C12orf54: variants seen among roughly 807,000 people sequenced by gnomAD.
C12orf54 encodes the protein uncharacterized protein C12orf54.
A neutral mutation model predicts 26.4 loss-of-function variants in C12orf54; 24 were observed. The ratio of observed to expected loss-of-function variants is 0.91; its 90% CI spans 0.66 to 1.28. The LOEUF is 1.28. C12orf54 is among the 50% of genes most tolerant of loss of function. The pLI is 0.00. For synonymous variants in C12orf54, 54 were observed against 47.0 expected, an observed-to-expected ratio of 1.15 and a Z score of -0.61; for missense variants, 154 against 150.9, an observed-to-expected ratio of 1.02 and a Z score of -0.11.
the C12orf54 span, among the ~76,000 whole-genome samples, chr12:48,452,148 T>C: frequency 6.6e-6 from 1 of 151,996 alleles, no homozygotes; most frequent in East Asian, 1.9e-4. Flanking sequence ...CATAAATCAA[T>C]GGAACAGAAT....
At chr12:48,454,756 T>C in the C12orf54 span, among the ~76,000 whole-genome samples, 1 of 152,238 alleles carries the variant, frequency 6.6e-6, no homozygotes, top group Admixed American at 6.5e-5. Flanking sequence ...ACAAATACTG[T>C]TGGGTAACTA....
At chr12:48,474,277 G>A in the C12orf54 span, among the ~76,000 whole-genome samples, 16 of 152,178 alleles carry the variant, frequency 1.1e-4, no homozygotes, top group East Asian at 3.8e-4. Flanking sequence ...CAAGATGGCC[G>A]AATGGGAACA....
chr12:48,413,203 C>T, the C12orf54 span, among the ~76,000 whole-genome samples: 1 of 152,116 alleles, frequency 6.6e-6, no homozygotes, highest in Non-Finnish European at 1.5e-5. Flanking sequence ...AGCCTAATTC[C>T]AATAAGGAAT....
chr12:48,441,243 G>A, the C12orf54 span, among the ~76,000 whole-genome samples: 1 of 152,192 alleles, frequency 6.6e-6, no homozygotes, highest in Non-Finnish European at 1.5e-5. Context: ...TAACTCTAGT[G>A]ATCTTATCAG....
the C12orf54 span, among the ~76,000 whole-genome samples, chr12:48,439,301 G>T: frequency 6.6e-6 from 1 of 152,184 alleles, no homozygotes; most frequent in Non-Finnish European, 1.5e-5. Flanking sequence ...CTGTTGGTGG[G>T]ACTGTAAAAT....
chr12:48,481,790 C>T (rs911186552), upstream of C12orf54, among the ~76,000 whole-genome samples: 2 of 152,152 alleles, frequency 1.3e-5, no homozygotes, highest in East Asian at 1.9e-4. Context: ...TGCCTAAACA[C>T]GCTATACCAC....
the C12orf54 span, among the ~76,000 whole-genome samples, chr12:48,458,444 C>T: frequency 6.6e-6 from 1 of 152,084 alleles, no homozygotes; most frequent in Admixed American, 6.6e-5. Context: ...TTCATATCAC[C>T]TTTCTACTGC....
the C12orf54 span, among the ~76,000 whole-genome samples, chr12:48,434,204 G>A: frequency 3.3e-5 from 5 of 152,302 alleles, no homozygotes; most frequent in South Asian, 2.1e-4. Context: ...AAGCGGCAGC[G>A]AGGCTGGGGG....
chr12:48,481,670 C>T (rs1354079229), upstream of C12orf54, among the ~76,000 whole-genome samples: 1 of 152,158 alleles, frequency 6.6e-6, no homozygotes, highest in African/African-American at 2.4e-5. Flanking sequence ...TGTGAGTCCT[C>T]TTTAGATTTT....
At chr12:48,472,612 T>C in the C12orf54 span, 3 of 1,604,804 alleles carry the variant, frequency 1.9e-6, no homozygotes, top group Non-Finnish European at 2.6e-6. Context: ...GGGTTCGGGG[T>C]TTATTGGTTG....
chr12:48,483,432 C>G lies in C12orf54; in HGVS notation c.65+71C>G, dbSNP rs527280811. ...CTCTATGGGAGAAGAACCAGGGCCT[C>G]CTGTCTTCTATGGCTCTTCATTTGG... On this transcript the variant is annotated intron_variant, in intron 2 of 8. Transcript: ENST00000548364. 22 of 1,445,828 alleles carry G rather than the reference C, an allele frequency of 1.5e-5. No individual in the cohort carries two copies. The African/African-American group carries it at 3.0e-4, about 19-fold the overall frequency. 89.6% of individuals were successfully genotyped at this position (1,445,828 alleles called of 1,614,324 possible).
chr12:48,424,139 G>T, the C12orf54 span, among the ~76,000 whole-genome samples: 2 of 152,014 alleles, frequency 1.3e-5, no homozygotes, highest in South Asian at 4.1e-4. Flanking sequence ...ATAATATGGT[G>T]AATTACATTG....
the C12orf54 span, among the ~76,000 whole-genome samples, chr12:48,449,787 T>G: frequency 6.6e-6 from 1 of 152,222 alleles, no homozygotes; most frequent in Admixed American, 6.5e-5. Context: ...TGTTCCATGA[T>G]ATGATTTGGC....
the C12orf54 span, chr12:48,417,302 G>A: frequency 6.6e-6 from 1 of 152,176 alleles, no homozygotes; most frequent in African/African-American, 2.4e-5. Context: ...ACCCCAAGAA[G>A]GATGAACTCG....
the C12orf54 span, among the ~76,000 whole-genome samples, chr12:48,454,389 G>A: frequency 9.9e-5 from 15 of 152,160 alleles, no homozygotes; most frequent in South Asian, 2.1e-4. Context: ...TTGAGCCACC[G>A]CACCCGGCCA....
At chr12:48,452,486 G>T in the C12orf54 span, among the ~76,000 whole-genome samples, 1 of 129,992 alleles carries the variant, frequency 7.7e-6, no homozygotes, top group Admixed American at 7.3e-5. Flanking sequence ...TTGACAAATG[G>T]GATCTAATTA....
At chr12:48,424,078 G>T in the C12orf54 span, among the ~76,000 whole-genome samples, 1 of 152,020 alleles carries the variant, frequency 6.6e-6, no homozygotes, top group African/African-American at 2.4e-5. Flanking sequence ...CATTATCAAA[G>T]ACTTTTTCTG....
the C12orf54 span, among the ~76,000 whole-genome samples, chr12:48,447,220 G>A: frequency 0.098 from 1,823 of 18,634 alleles, 23 homozygotes; most frequent in Middle Eastern, 0.12. Flanking sequence ...CTCTGTGTGT[G>A]TGTGTGTGTG....
At chr12:48,493,670 T>C (rs1210879341) in intron 7 of C12orf54, among the ~76,000 whole-genome samples, 1 of 144,246 alleles carries the variant, frequency 6.9e-6, no homozygotes, top group Non-Finnish European at 1.5e-5. Context: ...TAGAAGAAAG[T>C]TATAAAGAAA....
Sources: gnomAD v4.1 joint callset for allele counts (sites outside exome capture counted in the v4.1 genomes callset) on GRCh38, gnomAD v4.1.1 for gene constraint, MANE v1.5 for transcripts, NCBI Gene and HGNC (gene_info 2026-07-23, HGNC 2026-07-21) for gene names.